The following SCN9A variants were observed in gnomAD, a reference collection of about 807,000 sequenced individuals.
SCN9A encodes the protein sodium channel protein type 9 subunit alpha.
A neutral mutation model predicts 187.0 loss-of-function variants in SCN9A; 131 were observed. The ratio of observed to expected loss-of-function variants is 0.70; its 90% confidence interval spans 0.61 to 0.81. SCN9A has a LOEUF of 0.81. Among genes scored for constraint, SCN9A ranks in the 30% least tolerant of loss-of-function variants. The pLI, the probability that SCN9A is intolerant of heterozygous loss-of-function variation, is 0.00. For missense variants in SCN9A, 2,252 were observed against 2,396.6 expected (o/e 0.94, Z 1.26); for synonymous variants, 809 against 808.6 (o/e 1.00, Z -0.01).
At chr2:166,270,459 A>G (rs1018807004) in intron 17 of SCN9A, among the ~76,000 whole-genome samples, 1 of 151,856 alleles carries the variant, frequency 6.6e-6, no homozygotes, top group African/African-American at 2.4e-5. Context: ...TCGAGGGATG[A>G]CTAGATTTGA....
intron 20 of SCN9A, among the ~76,000 whole-genome samples, chr2:166,234,896 A>G (rs971533780): frequency 1.3e-5 from 2 of 152,178 alleles, no homozygotes; most frequent in Admixed American, 6.5e-5. Flanking sequence ...TGAATGGAAT[A>G]TAGAGTAAGG....
intron 24 of SCN9A, among the ~76,000 whole-genome samples, chr2:166,206,950 A>G (rs1365709358): frequency 6.6e-6 from 1 of 152,136 alleles, no homozygotes; most frequent in Non-Finnish European, 1.5e-5. Context: ...AATTGATTAC[A>G]TAAAAGAAAA....
intron 20 of SCN9A, among the ~76,000 whole-genome samples, chr2:166,237,690 C>T (rs1193439203): frequency 6.6e-6 from 1 of 152,104 alleles, no homozygotes; most frequent in Admixed American, 6.6e-5. Context: ...TCTTATCTTC[C>T]AATTTTACAT....
At chr2:166,374,816 G>A (rs926897864) in intron 1 of SCN9A, among the ~76,000 whole-genome samples, 2 of 151,704 alleles carry the variant, frequency 1.3e-5, no homozygotes, top group African/African-American at 4.8e-5. Context: ...ACTTTGATTT[G>A]GCTTTTATCT....
intron 1 of SCN9A, among the ~76,000 whole-genome samples, chr2:166,353,573 A>G (rs1474151808): frequency 6.6e-6 from 1 of 152,186 alleles, no homozygotes; most frequent in Non-Finnish European, 1.5e-5. Context: ...CTGCATCCTC[A>G]TAATGTTCCC....
chr2:166,234,679 C>T (rs1038069862), intron 20 of SCN9A, among the ~76,000 whole-genome samples: 5 of 152,042 alleles, frequency 3.3e-5, no homozygotes, highest in African/African-American at 1.2e-4. Context: ...TAAATTTGCC[C>T]AGTCATTCAC....
intron 22 of SCN9A, among the ~76,000 whole-genome samples, chr2:166,228,122 A>G (rs1224330585): frequency 6.6e-6 from 1 of 152,108 alleles, no homozygotes; most frequent in Non-Finnish European, 1.5e-5. Flanking sequence ...TTTTGAAGCA[A>G]TATTTGAATG....
chr2:166,234,525 A>G (rs956495155), intron 20 of SCN9A, among the ~76,000 whole-genome samples: 1 of 152,198 alleles, frequency 6.6e-6, no homozygotes, highest in Non-Finnish European at 1.5e-5. Context: ...GAGACAGGTA[A>G]ACTGACTGAT....
intron 18 of SCN9A, among the ~76,000 whole-genome samples, chr2:166,246,840 T>C (rs1695810813): frequency 6.6e-6 from 1 of 152,034 alleles, no homozygotes; most frequent in Non-Finnish European, 1.5e-5. Context: ...TGAAGTTTCA[T>C]AAATATTGCC....
chr2:166,327,007 G>A (rs1199992047), intron 1 of SCN9A, among the ~76,000 whole-genome samples: 1 of 152,074 alleles, frequency 6.6e-6, no homozygotes, highest in Non-Finnish European at 1.5e-5. Context: ...AAAGGTCTGT[G>A]AAACCCCTTG....
At chr2:166,251,634 C>T in intron 18 of SCN9A, 131 bp downstream of exon 18, 3 of 916,546 alleles carry the variant, frequency 3.3e-6, no homozygotes, top group Non-Finnish European at 5.0e-6. Context: ...AATCATCATA[C>T]AGCTATAGCT....
chr2:166,201,202 CAT>C (rs1157858557), intron 26 of SCN9A, among the ~76,000 whole-genome samples: 1 of 141,016 alleles, frequency 7.1e-6, no homozygotes. Context: ...TATATACACA[CAT>C]ACTATATATA....
intron 17 of SCN9A, among the ~76,000 whole-genome samples, chr2:166,254,096 T>C (rs1369212439): frequency 6.6e-6 from 1 of 151,648 alleles, no homozygotes; most frequent in Non-Finnish European, 1.5e-5. Context: ...AAACTTTTTT[T>C]CATATGCAGG....
intron 9 of SCN9A, among the ~76,000 whole-genome samples, chr2:166,289,073 T>C (rs936780934): frequency 6.6e-6 from 1 of 152,286 alleles, no homozygotes; most frequent in Middle Eastern, 3.4e-3. Context: ...TGGTCTTATT[T>C]AATTACTTTA....
chr2:166,351,297 A>C (rs1315578495), intron 1 of SCN9A, among the ~76,000 whole-genome samples: 2 of 152,214 alleles, frequency 1.3e-5, no homozygotes, highest in East Asian at 3.9e-4. Context: ...TATGGTTTAT[A>C]TAAAATTATG....
intron 26 of SCN9A, among the ~76,000 whole-genome samples, chr2:166,200,589 T>C (rs1236375085): frequency 1.3e-5 from 2 of 152,240 alleles, no homozygotes; most frequent in East Asian, 3.8e-4. Flanking sequence ...CAAGCACATG[T>C]ACACACACAA....
At chr2:166,246,075 T>C (rs1363000550) in intron 18 of SCN9A, among the ~76,000 whole-genome samples, 1 of 151,980 alleles carries the variant, frequency 6.6e-6, no homozygotes, top group African/African-American at 2.4e-5. Context: ...ATATTTTATG[T>C]GTTCCTGTTT....
chr2:166,303,055 T>C, intron 7 of SCN9A, 35 bp downstream of exon 7: 2 of 1,413,214 alleles, frequency 1.4e-6, no homozygotes, highest in Non-Finnish European at 2.0e-6. Context: ...TTTAGCATTA[T>C]TTCAACCTAA....
At chr2:166,348,229 A>G (rs1373026918) in intron 1 of SCN9A, among the ~76,000 whole-genome samples, 1 of 140,340 alleles carries the variant, frequency 7.1e-6, no homozygotes, top group East Asian at 2.0e-4. Context: ...CTAAGAATAG[A>G]AAGTCTTCCA....
Sources: allele counts gnomAD v4.1 joint callset (sites outside exome capture counted in the v4.1 genomes callset), GRCh38; gene constraint gnomAD v4.1.1; transcripts MANE v1.5; gene names NCBI Gene and HGNC (gene_info 2026-07-23, HGNC 2026-07-21).